PRDM11: variants seen among roughly 807,000 people sequenced by gnomAD.
PRDM11 encodes the protein PR domain-containing protein 11.
Under a neutral mutation model 97.8 loss-of-function variants are expected in PRDM11, and 20 were observed. That is an observed-to-expected ratio of 0.20 (90% CI 0.14 to 0.30). PRDM11 has a LOEUF of 0.30. Ranked by LOEUF, PRDM11 falls within the 10% of genes least tolerant of loss-of-function variation. The probability of loss-of-function intolerance (pLI) is 1.00; values close to 1 mark genes in which losing one functional copy is unlikely to be tolerated. For missense variants in PRDM11, 1,139 were observed against 1,555.2 expected (o/e 0.73, Z 4.50); for synonymous variants, 599 against 637.7 (o/e 0.94, Z 0.91).
At chr11:45,206,171 G>A (rs1289817677) in intron 5 of PRDM11, among the ~76,000 whole-genome samples, 1 of 152,170 alleles carries the variant, frequency 6.6e-6, no homozygotes, top group Non-Finnish European at 1.5e-5. Context: ...GGGTACCAGG[G>A]TGGATCACCC....
At chr11:45,118,381 A>G (rs1852349808) in intron 1 of PRDM11, among the ~76,000 whole-genome samples, 2 of 152,198 alleles carry the variant, frequency 1.3e-5, no homozygotes, top group African/African-American at 2.4e-5. Flanking sequence ...GTGCATAGGA[A>G]CTCTGTACTG....
chr11:45,123,060 T>C (rs551432598), intron 1 of PRDM11, among the ~76,000 whole-genome samples: 2 of 152,224 alleles, frequency 1.3e-5, no homozygotes, highest in East Asian at 1.9e-4. Flanking sequence ...TGGTATCTCA[T>C]TGTGGTTTTG....
chr11:45,184,480 G>C (rs1416003511), intron 4 of PRDM11, among the ~76,000 whole-genome samples: 1 of 152,170 alleles, frequency 6.6e-6, no homozygotes, highest in East Asian at 1.9e-4. Flanking sequence ...TGGAAGACTG[G>C]GCTAGGGTTG....
At chr11:45,106,195 G>A (rs1261913677) in intron 1 of PRDM11, among the ~76,000 whole-genome samples, 1 of 152,174 alleles carries the variant, frequency 6.6e-6, no homozygotes, top group African/African-American at 2.4e-5. Flanking sequence ...AGCCCAGGCT[G>A]GCCATGTCTG....
intron 1 of PRDM11, among the ~76,000 whole-genome samples, chr11:45,128,191 C>T (rs187140125): frequency 1.0e-3 from 156 of 152,300 alleles, no homozygotes; most frequent in African/African-American, 3.5e-3. Flanking sequence ...TTTTTAAGCC[C>T]GTTGGCAAAG....
rs562851552 is a variant in PRDM11, at chr11:45,172,558, A to G, written c.-6-9203A>G. On this transcript the variant is annotated intron_variant, in intron 1 of 7. Transcript: ENST00000683152. ...AGGAGCTCTGTTTTATTAGCCAGGA[A>G]CCAGGGACAAAGACCAAATACAGTC... Among the ~76,000 whole-genome samples the G allele has an allele frequency of 8.5e-5, 13 of 152,238 alleles. No homozygotes were observed. The South Asian group carries it at 1.9e-3, about 22-fold the overall frequency.
At chr11:45,121,674 A>G (rs2097048434) in intron 1 of PRDM11, among the ~76,000 whole-genome samples, 1 of 152,202 alleles carries the variant, frequency 6.6e-6, no homozygotes, top group Non-Finnish European at 1.5e-5. Flanking sequence ...AACATTTACC[A>G]CAATAGACTA....
At chr11:45,152,094 G>T (rs886375844) in intron 1 of PRDM11, among the ~76,000 whole-genome samples, 1 of 152,054 alleles carries the variant, frequency 6.6e-6, no homozygotes, top group Non-Finnish European at 1.5e-5. Flanking sequence ...TTGAGACAGG[G>T]TCTTACTCTG....
intron 1 of PRDM11, among the ~76,000 whole-genome samples, chr11:45,101,281 C>T (rs994296797): frequency 1.3e-5 from 2 of 152,066 alleles, no homozygotes; most frequent in Admixed American, 6.6e-5. Context: ...GGTATTTGGC[C>T]GGTCATGGGC....
At chr11:45,170,813 C>G (rs1195224086) in intron 1 of PRDM11, among the ~76,000 whole-genome samples, 3 of 152,032 alleles carry the variant, frequency 2.0e-5, no homozygotes, top group Admixed American at 6.5e-5. Context: ...TGAAGCCATT[C>G]CGGGAAGAGG....
At chr11:45,161,722 A>G (rs1371436534) in intron 1 of PRDM11, among the ~76,000 whole-genome samples, 1 of 152,194 alleles carries the variant, frequency 6.6e-6, no homozygotes, top group Non-Finnish European at 1.5e-5. Flanking sequence ...GCAGCTGATG[A>G]TTTATTTAGT....
At chr11:45,124,465 T>C (rs1233718817) in intron 1 of PRDM11, among the ~76,000 whole-genome samples, 1 of 152,110 alleles carries the variant, frequency 6.6e-6, no homozygotes, top group African/African-American at 2.4e-5. Context: ...TTCAGTATGA[T>C]ATTGGCTGTG....
chr11:45,190,820 TA>T (rs976200349), intron 4 of PRDM11, among the ~76,000 whole-genome samples: 1 of 152,080 alleles, frequency 6.6e-6, no homozygotes, highest in African/African-American at 2.4e-5. Flanking sequence ...TTTTAGTCAT[TA>T]AAAAAATGCA....
rs2135857345 is a variant in PRDM11, at chr11:45,226,542, C to T, written c.1917C>T (p.His639=). 6.5e-7 allele frequency: 1 copy of T among 1,533,966 alleles called. No homozygotes were observed. The highest frequency in any genetic ancestry group is 2.4e-5 in the East Asian group (1 of 40,900). Residue 639 remains histidine (H), a synonymous_variant, in exon 8 of 8, where the codon CAC becomes CAT. Coordinates refer to ENST00000683152, the MANE Select transcript of PRDM11 (RefSeq NM_001384648.1). ...GAGACTGCCAGATCCTCATCCATCA[C>T]ATCGCCCGGGCCCTGCGGGAAGACC... The part of the protein sequence containing the change: ...NEGDCQILIH[H]IARALREDLV...
intron 1 of PRDM11, among the ~76,000 whole-genome samples, chr11:45,155,389 T>G (rs1851767678): frequency 6.6e-6 from 1 of 152,108 alleles, no homozygotes; most frequent in Non-Finnish European, 1.5e-5. Context: ...AGCAGCCAAC[T>G]GGGACCCAGC....
At chr11:45,202,321 A>G (rs967018838) in intron 4 of PRDM11, among the ~76,000 whole-genome samples, 15 of 152,172 alleles carry the variant, frequency 9.9e-5, no homozygotes, top group African/African-American at 3.6e-4. Context: ...TATCAACAAA[A>G]TGCTCACTGC....
At chr11:45,213,271 T>C (rs890811827) in intron 5 of PRDM11, 17 of 456,430 alleles carry the variant, frequency 3.7e-5, no homozygotes, top group Middle Eastern at 6.5e-4. Flanking sequence ...AAAAGCCACC[T>C]GCTTGATGCT....
intron 4 of PRDM11, among the ~76,000 whole-genome samples, chr11:45,189,030 T>C (rs555383077): frequency 6.6e-6 from 1 of 152,294 alleles, no homozygotes; most frequent in East Asian, 1.9e-4. Flanking sequence ...GCCTCCCTAG[T>C]AGCTGGGATT....
At chr11:45,122,856 C>CA (rs1355036781) in intron 1 of PRDM11, among the ~76,000 whole-genome samples, 1 of 152,150 alleles carries the variant, frequency 6.6e-6, no homozygotes, top group Non-Finnish European at 1.5e-5. Flanking sequence ...GGTACATACC[C>CA]AGTAATGGGA....
Sources: allele counts gnomAD v4.1 joint callset (sites outside exome capture counted in the v4.1 genomes callset), GRCh38; gene constraint gnomAD v4.1.1; transcripts MANE v1.5; gene names NCBI Gene and HGNC (gene_info 2026-07-23, HGNC 2026-07-21).